Variants in CD36 observed in about 807,000 individuals in gnomAD.
CD36 encodes the protein platelet glycoprotein 4.
A neutral mutation model predicts 55.2 loss-of-function variants in CD36; 119 were observed. The ratio of observed to expected loss-of-function variants is 2.15; its 90% confidence interval spans 1.86 to 2.51. CD36 has a LOEUF of 2.51. Among genes scored for constraint, CD36 ranks in the 30% most tolerant of loss-of-function variants. The pLI, the probability that CD36 is intolerant of heterozygous loss-of-function variation, is 0.00. For synonymous variants in CD36, 186 were observed against 193.6 expected (o/e 0.96, Z 0.33); for missense variants, 819 against 555.5 (o/e 1.47, Z -4.77).
chr7:80,614,688 T>G (rs966286212), intron 1 of CD36, among the ~76,000 whole-genome samples: 3 of 152,084 alleles, frequency 2.0e-5, no homozygotes, highest in African/African-American at 7.2e-5. Context: ...AAACCACATC[T>G]GAGTTCCTGA....
intron 1 of CD36, among the ~76,000 whole-genome samples, chr7:80,612,150 A>G (rs942428068): frequency 6.6e-6 from 1 of 152,182 alleles, no homozygotes; most frequent in Non-Finnish European, 1.5e-5. Flanking sequence ...AAACGTGCAC[A>G]CCTGAAATCC....
chr7:80,610,731 C>T (rs10268662), intron 1 of CD36, among the ~76,000 whole-genome samples: 61,394 of 151,726 alleles, frequency 0.4, 12,644 homozygotes, highest in African/African-American at 0.47. Context: ...CCCGCCACCA[C>T]GCCTGGCTAA....
intron 1 of CD36, among the ~76,000 whole-genome samples, chr7:80,641,259 A>G (rs1311390424): frequency 6.6e-6 from 1 of 152,100 alleles, no homozygotes; most frequent in Non-Finnish European, 1.5e-5. Flanking sequence ...TCATAGTTAA[A>G]TGATTGTTTT....
chr7:80,627,629 G>T (rs569234122), intron 1 of CD36, among the ~76,000 whole-genome samples: 24 of 152,098 alleles, frequency 1.6e-4, no homozygotes, highest in Non-Finnish European at 3.4e-4. Flanking sequence ...AGGTGGTAGA[G>T]TACAAATATT....
At chr7:80,667,063 A>G (rs1297362847) in intron 8 of CD36, among the ~76,000 whole-genome samples, 2 of 152,192 alleles carry the variant, frequency 1.3e-5, no homozygotes, top group East Asian at 1.9e-4. Context: ...GTATGGTTAG[A>G]TCAGGCTTAT....
intron 1 of CD36, among the ~76,000 whole-genome samples, chr7:80,628,171 A>G (rs983476647): frequency 3.3e-5 from 5 of 152,044 alleles, no homozygotes; most frequent in Admixed American, 6.6e-5. Flanking sequence ...TTAAAAATCT[A>G]TGCTGTGATA....
chr7:80,632,667 A>AT (rs1562781640), intron 1 of CD36, among the ~76,000 whole-genome samples: 1 of 152,000 alleles, frequency 6.6e-6, no homozygotes, highest in African/African-American at 2.4e-5. Context: ...ATGCTGATCA[A>AT]TTTTTTATGG....
chr7:80,649,589 G>A (rs1446542558), intron 3 of CD36, among the ~76,000 whole-genome samples: 1 of 152,018 alleles, frequency 6.6e-6, no homozygotes, highest in Non-Finnish European at 1.5e-5. Context: ...TGTCCAGTGA[G>A]TTATTGATAG....
chr7:80,644,910 A>G (rs1795044612), intron 1 of CD36, among the ~76,000 whole-genome samples: 1 of 152,198 alleles, frequency 6.6e-6, no homozygotes, highest in Non-Finnish European at 1.5e-5. Flanking sequence ...ACAAAATGTC[A>G]TTGCAACAAC....
intron 3 of CD36, 148 bp downstream of exon 3, chr7:80,647,008 T>C: frequency 1.3e-6 from 1 of 795,088 alleles, no homozygotes; most frequent in Non-Finnish European, 2.1e-6. Flanking sequence ...TGCAACTCTA[T>C]ATGATGCGAC....
chr7:80,610,350 T>C (rs2691199), intron 1 of CD36, among the ~76,000 whole-genome samples: 61,354 of 151,866 alleles, frequency 0.4, 12,624 homozygotes, highest in African/African-American at 0.47. Flanking sequence ...ATTTAAAATC[T>C]ACCCACAATT....
chr7:80,638,592 G>C (rs763910324), upstream of CD36: 6 of 150,094 alleles, frequency 4.0e-5, no homozygotes, highest in Non-Finnish European at 8.9e-5. Flanking sequence ...TTTTTTGGGG[G>C]GGGGAGGGGG....
intron 1 of CD36, among the ~76,000 whole-genome samples, chr7:80,619,559 A>T (rs1285597326): frequency 6.6e-6 from 1 of 150,820 alleles, no homozygotes; most frequent in Non-Finnish European, 1.5e-5. Flanking sequence ...AGGCAGGAGA[A>T]TCGCTTGAAC....
intron 14 of CD36, chr7:80,674,426 T>A (rs951691476): frequency 5.3e-6 from 2 of 378,878 alleles, no homozygotes; most frequent in Middle Eastern, 8.0e-4. Context: ...CAAAATTGAC[T>A]GGTTCATTTC....
intron 1 of CD36, among the ~76,000 whole-genome samples, chr7:80,621,588 A>G (rs1332231445): frequency 6.6e-6 from 1 of 152,240 alleles, no homozygotes; most frequent in African/African-American, 2.4e-5. Flanking sequence ...TTTTAGAACA[A>G]AAATAAGGTA....
Position 80,672,810 on chromosome 7 carries a change from T to A in CD36, c.1166T>A (p.Val389Asp). ...TTACAATTTGCAAAACGGCTGCAGG[T>A]CAACCTATTGGTCAAGCCATCAGAA... is the stretch of plus-strand genomic sequence containing the variant. ...FTLQFAKRLQ[V>D]NLLVKPSEKI... The change falls in exon 12 of 15, where the codon GTC becomes GAC. Residue 389 changes from valine (V) to aspartate (D), a missense_variant. Coordinates refer to ENST00000447544, the MANE Select transcript of CD36 (RefSeq NM_001001548.3). 2 of 1,611,140 alleles carry A rather than the reference T, an allele frequency of 1.2e-6. No individual in the cohort carries two copies. Among genetic ancestry groups the A allele is most frequent in the South Asian group, 2.2e-5 (2 of 90,956 alleles).
At chr7:80,672,448 T>TTCTAACTGAATATA (rs1162884940) in intron 11 of CD36, among the ~76,000 whole-genome samples, 1 of 151,900 alleles carries the variant, frequency 6.6e-6, no homozygotes, top group Non-Finnish European at 1.5e-5. Context: ...GACACATGGA[T>TTCTAACTGAATATA]TCTAACTGAA....
Position 80,677,140 on chromosome 7 carries a change from T to A in CD36, c.*757T>A, listed in dbSNP as rs955228869. 2.0e-5 allele frequency: 3 copies of A among 152,186 alleles called. No individual in the cohort carries two copies. The highest frequency in any genetic ancestry group is 7.2e-5 in the African/African-American group (3 of 41,450). The allele number at this position is 152,186 out of a possible 1,614,324, so 9.4% of individuals were successfully genotyped here. ...CCTTGCTGAAATATGCTTTCTAAAT[T>A]TCTACCACTTTGTTCTAGGCTAATT... On this transcript the variant is annotated 3_prime_UTR_variant, in exon 15 of 15. Transcript: ENST00000447544.
intron 3 of CD36, chr7:80,647,165 G>A: frequency 3.0e-6 from 1 of 332,260 alleles, no homozygotes; most frequent in South Asian, 2.8e-5. Flanking sequence ...AGAGCATGTT[G>A]GCATGCTTTT....
Sources: allele counts gnomAD v4.1 joint callset (sites outside exome capture counted in the v4.1 genomes callset), GRCh38; gene constraint gnomAD v4.1.1; transcripts MANE v1.5; gene names NCBI Gene and HGNC (gene_info 2026-07-23, HGNC 2026-07-21).